CARD10: variants seen among roughly 807,000 people sequenced by gnomAD.
The protein encoded by CARD10 is caspase recruitment domain family member 10.
In CARD10, 49 loss-of-function variants were observed where a neutral mutation model predicts 114.6. The observed-to-expected ratio is 0.43, with a 90% confidence interval of 0.34 to 0.54. The LOEUF is 0.54. CARD10 is among the 20% of genes least tolerant of loss of function. The pLI is 0.03. For missense variants in CARD10, 1,206 were observed against 1,397.2 expected (o/e 0.86, Z 2.18); for synonymous variants, 602 against 593.2 (o/e 1.01, Z -0.21).
rs746143217 is a variant in CARD10 at position 37,491,184 on chromosome 22, C to G, written c.3074G>C (p.Gly1025Ala). Residue 1025 changes from glycine to alanine, a missense_variant, in exon 20 of 20, where the codon GGC becomes GCC. Gly to Ala is a moderately conservative substitution (Grantham distance 60). Around this residue, in one of 2 missense-constraint regions of CARD10, gnomAD observed 1,068 missense variants for 1,179.1 expected, o/e 0.91. Transcript: ENST00000251973. ...TCAGGCCTCACTGCTGCTGGGGCAG[C>G]CTCTGCTGCTGCCGCACTCCACCCA... is the stretch of plus-strand genomic sequence containing the variant. ...LVWVECGSSR[G>A]CPSSSEA 3.0e-5 allele frequency: 47 copies of G among 1,568,824 alleles called. No individual in the cohort carries two copies. Among genetic ancestry groups the G allele is most frequent in the Admixed American group, 1.9e-5 (1 of 53,632 alleles).
chr22:37,496,461 T>A lies in CARD10; in HGVS notation c.2047A>T (p.Met683Leu). 1 of 1,611,566 alleles carries A rather than the reference T, an allele frequency of 6.2e-7. No homozygotes were observed. The highest frequency in any genetic ancestry group is 8.5e-7 in the Non-Finnish European group (1 of 1,178,134). The change falls in exon 13 of 20, where the codon ATG becomes TTG. Residue 683 changes from methionine (M) to leucine (L), a missense_variant. Coordinates refer to ENST00000251973, the MANE Select transcript of CARD10 (RefSeq NM_014550.4). This position sits in a 1 kb window ranked among gnomAD's most constrained non-coding sequence, Gnocchi z 4.1. ...AAGCCAGACTTACCCTTCGAGTCCA[T>A]CAGGGAGGGGAGTGTGGACCCCTGA... Reference protein sequence around the residue: ...WNQGSTLPSLMDSKACQSFHE... With the variant: ...WNQGSTLPSLLDSKACQSFHE...
rs1458848480 is a variant in CARD10 at position 37,519,176 on chromosome 22, C to A, written c.25G>T (p.Glu9Ter). ...CCGGCCCCGGCCTCCTCCTCGGCCT[C>A]CCCCGCCTCCGCCCGGCCCGGCATG... MPGRAEAG[E>*]AEEEAGAGSG... The change falls in exon 1 of 20, where the codon GAG becomes TAG. Residue 9 changes from glutamate (E) to a stop codon, truncating the protein, a stop_gained. Transcript: ENST00000251973. LOFTEE classifies it high-confidence loss of function. This position sits in a 1 kb window ranked among gnomAD's most constrained non-coding sequence, Gnocchi z 4.1. The A allele has an allele frequency of 6.5e-7, 1 of 1,534,358 alleles. No individual in the cohort carries two copies. The highest frequency in any genetic ancestry group is 1.9e-5 in the Admixed American group (1 of 51,312).
intron 3 of CARD10, among the ~76,000 whole-genome samples, chr22:37,515,368 GC>G (rs1923803275): frequency 6.6e-6 from 1 of 152,046 alleles, no homozygotes; most frequent in Non-Finnish European, 1.5e-5. Context: ...TTCGAGACCA[GC>G]CGGGTCAACA....
intron 7 of CARD10, among the ~76,000 whole-genome samples, chr22:37,505,075 G>A (rs539568710): frequency 9.8e-5 from 15 of 152,296 alleles, no homozygotes; most frequent in Middle Eastern, 3.4e-3. Context: ...GTATAGAGGC[G>A]CTAAGTAGGT....
chr22:37,491,179 G>A lies in CARD10; in HGVS notation c.3079C>T (p.Pro1027Ser). 6.4e-7 allele frequency: 1 copy of A among 1,565,872 alleles called. No homozygotes were observed. The highest frequency in any genetic ancestry group is 1.7e-4 in the Middle Eastern group (1 of 6,006). ...GAGCCTCAGGCCTCACTGCTGCTGGGGCAGCCTCTGCTGCTGCCGCACTCC... is the reference window on the plus strand; with the variant it reads ...GAGCCTCAGGCCTCACTGCTGCTGGAGCAGCCTCTGCTGCTGCCGCACTCC... ...WVECGSSRGC[P>S]SSSEA The change falls in exon 20 of 20, where the codon CCC becomes TCC. Residue 1027 changes from proline to serine, a missense_variant. Pro to Ser is a moderately conservative substitution (Grantham distance 74). Coordinates refer to ENST00000251973, the MANE Select transcript of CARD10 (RefSeq NM_014550.4).
At chr22:37,515,051 T>C (rs1276040418) in intron 3 of CARD10, among the ~76,000 whole-genome samples, 2 of 152,234 alleles carry the variant, frequency 1.3e-5, no homozygotes, top group African/African-American at 2.4e-5. Flanking sequence ...ATCCAGGCTG[T>C]GCCGCTTCCT....
At chr22:37,498,909 G>T (rs976133306) in intron 11 of CARD10, among the ~76,000 whole-genome samples, 5 of 135,374 alleles carry the variant, frequency 3.7e-5, no homozygotes, top group Admixed American at 2.9e-4. Context: ...GGGGGGTGGG[G>T]GGGGGGGGCA....
intron 15 of CARD10, 92 bp downstream of exon 15, chr22:37,495,425 C>G (rs770800538): frequency 2.5e-5 from 24 of 975,262 alleles, no homozygotes; most frequent in Admixed American, 1.4e-4. Context: ...GAGGGAGTGT[C>G]TTCCTAGGTT....
intron 4 of CARD10, 41 bp downstream of exon 4, chr22:37,510,171 A>ATCCC: frequency 6.5e-7 from 1 of 1,538,670 alleles, no homozygotes; most frequent in East Asian, 2.3e-5. Flanking sequence ...GGCCCTCCTG[A>ATCCC]CCACCCCCCA....
chr22:37,515,728 A>T (rs1485223020), intron 3 of CARD10, among the ~76,000 whole-genome samples: 1 of 152,192 alleles, frequency 6.6e-6, no homozygotes, highest in African/African-American at 2.4e-5. Flanking sequence ...GATGCCAATA[A>T]ATCCCCACTA....
Position 37,496,837 on chromosome 22 carries a change from G to T in CARD10, c.1947+182C>A. The T allele has an allele frequency of 1.3e-6, 1 of 761,804 alleles. No homozygotes were observed. Among genetic ancestry groups the T allele is most frequent in the South Asian group, 1.7e-5 (1 of 57,278 alleles). 47.2% of individuals were successfully genotyped at this position (761,804 alleles called of 1,614,324 possible). ...CAGTTGGCTCCACCTCCCAGTCCCT[G>T]CCCAATCAGACTTCAATTAAGCCTG... On this transcript the variant is annotated intron_variant, in intron 12 of 19. Coordinates refer to ENST00000251973, the MANE Select transcript of CARD10 (RefSeq NM_014550.4). This position sits in a 1 kb window ranked among gnomAD's most constrained non-coding sequence, Gnocchi z 4.1.
Position 37,519,138 on chromosome 22 carries a change from C to T in CARD10, c.63G>A (p.Glu21=), listed in dbSNP as rs79861380. ...GCTCCCACAGCGCGTCCTCCTCCGC[C>T]TCAGACCCCGAGCCGGCCCCGGCCT... ...EEEAGAGSGS[E]AEEDALWERI... The change falls in exon 1 of 20, where the codon GAG becomes GAA. Residue 21 remains glutamate (E), a synonymous_variant. Coordinates refer to ENST00000251973, the MANE Select transcript of CARD10 (RefSeq NM_014550.4). This position sits in a 1 kb window ranked among gnomAD's most constrained non-coding sequence, Gnocchi z 4.1. The T allele has an allele frequency of 0.046, 71,585 of 1,556,450 alleles. 2,419 individuals are homozygous for T. The highest frequency in any genetic ancestry group is 0.17 in the African/African-American group (12,639 of 73,620).
At chr22:37,495,475 C>T (rs749307748) in intron 15 of CARD10, 42 bp downstream of exon 15, 4 of 1,562,726 alleles carry the variant, frequency 2.6e-6, no homozygotes, top group Non-Finnish European at 3.5e-6. Context: ...TTGGACCCCA[C>T]CCTTGGGGCC....
intron 15 of CARD10, among the ~76,000 whole-genome samples, chr22:37,495,128 A>G (rs1170921764): frequency 6.6e-6 from 1 of 151,878 alleles, no homozygotes; most frequent in Admixed American, 6.6e-5. Flanking sequence ...ACGCCCGGCT[A>G]ATTTTGTTTT....
chr22:37,496,418 C>A lies in CARD10; in HGVS notation c.2059+31G>T. 6.5e-7 allele frequency: 1 copy of A among 1,527,844 alleles called. No individual in the cohort carries two copies. Among genetic ancestry groups the A allele is most frequent in the East Asian group, 2.3e-5 (1 of 44,362 alleles). The allele number at this position is 1,527,844 out of a possible 1,614,324, so 94.6% of individuals were successfully genotyped here. A position where few individuals can be genotyped will look rare whatever the true frequency, so the allele number is the denominator to read the frequency against. On this transcript the variant is annotated intron_variant, in intron 13 of 19. Coordinates refer to ENST00000251973, the MANE Select transcript of CARD10 (RefSeq NM_014550.4). This position sits in a 1 kb window ranked among gnomAD's most constrained non-coding sequence, Gnocchi z 4.1. ...CACGGGTTAGAGGACCCCTCTGGGG[C>A]CAACAGCTCCGACTCCCAAGCCAGA...
At position 37,501,469 on chromosome 22, in the gene CARD10, G is replaced by A. The variant is rs1923211432; in HGVS notation, c.1787+1133C>T. 1.3e-5 allele frequency among the ~76,000 whole-genome samples: 2 copies of A among 152,188 alleles called. No homozygotes were observed. Among genetic ancestry groups the A allele is most frequent in the Admixed American group, 1.3e-4 (2 of 15,278 alleles). ...AATGTCTCGCTGAGCCCACTGCCGG[G>A]GGCCAGGTGGGGGCAGGGCCTGGAC... On this transcript the variant is annotated intron_variant, in intron 11 of 19. Coordinates refer to ENST00000251973, the MANE Select transcript of CARD10 (RefSeq NM_014550.4). The surrounding 1 kb of genome is among the most constrained non-coding windows in gnomAD (Gnocchi z 5.4).
At chr22:37,511,493 G>A (rs1310746075) in intron 3 of CARD10, among the ~76,000 whole-genome samples, 1 of 149,428 alleles carries the variant, frequency 6.7e-6, no homozygotes, top group Non-Finnish European at 1.5e-5. Flanking sequence ...AGGGCAGAGT[G>A]GGAGGAGGAA....
At position 37,517,995 on chromosome 22, in the gene CARD10, C is replaced by T. The variant is rs374641596; in HGVS notation, c.349G>A (p.Ala117Thr). ...HFTLLTGQEP[A>T]QRCSMILDEE... ...CCGAGGATCATGGAGCAGCGCTGGG[C>T]GGGTTCCTGGCCCGTGAGCAGCGTG... Residue 117 changes from alanine to threonine, a missense_variant, in exon 2 of 20, where the codon GCC (alanine) becomes ACC (threonine). Transcript: ENST00000251973. 5 of 1,613,826 alleles carry T rather than the reference C, an allele frequency of 3.1e-6. No individual in the cohort carries two copies. Among genetic ancestry groups the T allele is most frequent in the Admixed American group, 1.7e-5 (1 of 59,996 alleles).
intron 15 of CARD10, 143 bp from the exon 16 acceptor site, chr22:37,494,331 T>C: frequency 1.6e-6 from 1 of 615,486 alleles, no homozygotes; most frequent in South Asian, 1.9e-5. Context: ...AGCAAAGATG[T>C]CCTTCTCCAC....
Sources: gnomAD v4.1 joint callset for allele counts (sites outside exome capture counted in the v4.1 genomes callset) on GRCh38, gnomAD v4.1.1 for gene constraint, gnomAD v4.1.1 regional missense constraint, Gnocchi (gnomAD v3.1) non-coding constraint, MANE v1.5 for transcripts, NCBI Gene and HGNC (gene_info 2026-07-23, HGNC 2026-07-21) for gene names.